The following PPM1D variants were observed in gnomAD, a reference collection of about 807,000 sequenced individuals.
PPM1D encodes protein phosphatase, Mg2+/Mn2+ dependent 1D.
In PPM1D, 52 loss-of-function variants were observed where a neutral mutation model predicts 58.3. That is an observed-to-expected ratio of 0.89 (90% CI 0.71 to 1.12). PPM1D has a LOEUF of 1.12. PPM1D is among the 50% of genes most tolerant of loss of function. The pLI, the probability that PPM1D is intolerant of heterozygous loss-of-function variation, is 0.00. For synonymous variants in PPM1D, 278 were observed against 285.1 expected (o/e 0.98, Z 0.25); for missense variants, 564 against 777.2 (o/e 0.73, Z 3.26).
intron 1 of PPM1D, among the ~76,000 whole-genome samples, chr17:60,606,485 C>G (rs891210294): frequency 6.6e-6 from 1 of 152,158 alleles, no homozygotes; most frequent in Admixed American, 6.5e-5. Flanking sequence ...GTTTACACAG[C>G]AGCTGTACCA....
chr17:60,657,107 C>T (rs1451527025), intron 5 of PPM1D: 2 of 1,292,160 alleles, frequency 1.5e-6, no homozygotes, highest in African/African-American at 1.5e-5. Flanking sequence ...ATTTTTAAAG[C>T]ATTTAGAAGT....
intron 3 of PPM1D, among the ~76,000 whole-genome samples, chr17:60,635,755 CAT>C (rs1242043574): frequency 1.2e-4 from 18 of 152,302 alleles, no homozygotes; most frequent in Admixed American, 7.2e-4. Context: ...GAGATATCTA[CAT>C]GTTTAGTTTT....
At chr17:60,645,582 A>ATATGTATATATATG (rs1555647684) in intron 3 of PPM1D, among the ~76,000 whole-genome samples, 4,865 of 129,634 alleles carry the variant, frequency 0.038, 325 homozygotes, top group African/African-American at 0.14. Flanking sequence ...GTATATATAT[A>ATATGTATATATATG]TGTGTGTATA....
intron 3 of PPM1D, among the ~76,000 whole-genome samples, chr17:60,637,123 C>A (rs570885815): frequency 6.6e-6 from 1 of 152,170 alleles, no homozygotes; most frequent in African/African-American, 2.4e-5. Flanking sequence ...CGTGCGCCCC[C>A]ACGCCCGGCT....
chr17:60,650,694 ATTAT>A (rs1387628516), intron 4 of PPM1D, among the ~76,000 whole-genome samples: 1 of 152,224 alleles, frequency 6.6e-6, no homozygotes, highest in Non-Finnish European at 1.5e-5. Flanking sequence ...AAGAAGAGAC[ATTAT>A]TTAGGGAGAG....
At chr17:60,657,069 T>G (rs973133864) in intron 5 of PPM1D, 2 of 1,428,066 alleles carry the variant, frequency 1.4e-6, no homozygotes, top group African/African-American at 2.9e-5. Context: ...AAGAATATTA[T>G]TGTTTGCCAT....
chr17:60,653,310 G>A (rs1321215068), intron 4 of PPM1D, among the ~76,000 whole-genome samples: 1 of 152,096 alleles, frequency 6.6e-6, no homozygotes, highest in Non-Finnish European at 1.5e-5. Context: ...ATTTATTGTT[G>A]CTCTTGGCAC....
chr17:60,651,076 A>T (rs533261367), intron 4 of PPM1D, among the ~76,000 whole-genome samples: 2 of 152,222 alleles, frequency 1.3e-5, no homozygotes, highest in Non-Finnish European at 2.9e-5. Context: ...AAGAGCACAC[A>T]ATATTAGGGG....
intron 1 of PPM1D, among the ~76,000 whole-genome samples, chr17:60,603,933 G>A (rs558143245): frequency 6.6e-6 from 1 of 152,256 alleles, no homozygotes; most frequent in South Asian, 2.1e-4. Flanking sequence ...GCACTAAAAT[G>A]GTAGCTATTT....
chr17:60,618,914 G>T (rs1187752138), intron 1 of PPM1D, among the ~76,000 whole-genome samples: 1 of 152,126 alleles, frequency 6.6e-6, no homozygotes. Flanking sequence ...GAACACTCAA[G>T]ATTTATTTTC....
chr17:60,643,508 A>G (rs765996346), intron 3 of PPM1D, among the ~76,000 whole-genome samples: 1 of 152,078 alleles, frequency 6.6e-6, no homozygotes, highest in Non-Finnish European at 1.5e-5. Context: ...AACCGTTATA[A>G]TAATTGATTC....
chr17:60,663,337 AAAAGGACATT>A lies in PPM1D; in HGVS notation c.1605_1614del (p.Arg536LysfsTer8). 6.2e-7 allele frequency: 1 copy of A among 1,614,180 alleles called. No homozygotes were observed. The highest frequency in any genetic ancestry group is 8.5e-7 in the Non-Finnish European group (1 of 1,180,018). ...TGAAAGAACCCCTCCAACAAACTTT[AAAAGGACATT>A]AGAAGAGTCCAATTCTGGCCCCCTG... is the stretch of plus-strand genomic sequence containing the variant. On this transcript the variant is annotated frameshift_variant, in exon 6 of 6. Coordinates refer to ENST00000305921, the MANE Select transcript of PPM1D (RefSeq NM_003620.4). LOFTEE classifies it high-confidence loss of function.
At chr17:60,608,151 A>T (rs2030372280) in intron 1 of PPM1D, among the ~76,000 whole-genome samples, 1 of 152,010 alleles carries the variant, frequency 6.6e-6, no homozygotes, top group Non-Finnish European at 1.5e-5. Flanking sequence ...GTTCAAATTT[A>T]TTTTTTCTAT....
At chr17:60,660,082 T>A (rs577854812) in intron 5 of PPM1D, among the ~76,000 whole-genome samples, 1 of 152,320 alleles carries the variant, frequency 6.6e-6, no homozygotes, top group East Asian at 1.9e-4. Flanking sequence ...GTGCCTGTAA[T>A]CCCAGCACTT....
rs199573102 is a variant in PPM1D at position 60,625,527 on chromosome 17, GA to G, written c.701+1780del. Among the ~76,000 whole-genome samples, 1,513 of 152,312 alleles carry G rather than the reference GA, an allele frequency of 9.9e-3. 16 individuals carry two copies. The highest frequency in any genetic ancestry group is 0.032 in the African/African-American group (1,335 of 41,570). On this transcript the variant is annotated intron_variant, in intron 2 of 5. Coordinates refer to ENST00000305921, the MANE Select transcript of PPM1D (RefSeq NM_003620.4). The stretch of plus-strand genomic sequence containing the variant: ...GACTGTTAAAGGCCAGAAGTAACTT[GA>G]AGGCCTAACAGCTGGATAATGGTTA...
intron 1 of PPM1D, among the ~76,000 whole-genome samples, chr17:60,605,762 G>A (rs776095380): frequency 7.2e-5 from 11 of 152,086 alleles, no homozygotes; most frequent in East Asian, 1.9e-4. Context: ...AAAATTAGCC[G>A]CACGTGGTGG....
chr17:60,649,959 A>C (rs2031314407), intron 4 of PPM1D, among the ~76,000 whole-genome samples: 1 of 152,210 alleles, frequency 6.6e-6, no homozygotes, highest in Non-Finnish European at 1.5e-5. Flanking sequence ...TCTTCTGTCT[A>C]ATGGATTTAG....
In PPM1D at chr17:60,630,350, T is replaced by G. The variant is rs370863843; in HGVS notation, c.702-3503T>G. 1.4e-4 allele frequency among the ~76,000 whole-genome samples: 21 copies of G among 152,300 alleles called. No individual in the cohort carries two copies. In the East Asian group the frequency reaches 3.1e-3, roughly 22 times the overall value. ...TATTTTATTTGATTTTAATAATGTT[T>G]TTAGAAAGAGTTTTTTGGCTTTATT... On this transcript the variant is annotated intron_variant, in intron 2 of 5. Transcript: ENST00000305921.
intron 4 of PPM1D, among the ~76,000 whole-genome samples, chr17:60,653,977 G>C (rs1348148915): frequency 6.6e-6 from 1 of 152,058 alleles, no homozygotes; most frequent in East Asian, 1.9e-4. Flanking sequence ...TGCAAACAAG[G>C]CTCATTTGAC....
Sources: gnomAD v4.1 joint callset for allele counts (sites outside exome capture counted in the v4.1 genomes callset) on GRCh38, gnomAD v4.1.1 for gene constraint, MANE v1.5 for transcripts, NCBI Gene and HGNC (gene_info 2026-07-23, HGNC 2026-07-21) for gene names.